Variants in PRR16 observed in about 807,000 individuals in gnomAD.
PRR16 encodes the protein protein Largen.
In PRR16, 6 loss-of-function variants were observed where a neutral mutation model predicts 18.2. That is an observed-to-expected ratio of 0.33 (90% CI 0.18 to 0.65). The LOEUF is 0.65. PRR16 is among the 30% of genes least tolerant of loss of function. The pLI, the probability that PRR16 is intolerant of heterozygous loss-of-function variation, is 0.74. For synonymous variants in PRR16, 151 were observed against 147.8 expected (o/e 1.02, Z -0.16); for missense variants, 412 against 376.6 (o/e 1.09, Z -0.78).
At chr5:120,576,358 C>T (rs186061068) in intron 1 of PRR16, among the ~76,000 whole-genome samples, 78 of 152,132 alleles carry the variant, frequency 5.1e-4, no homozygotes, top group African/African-American at 1.8e-3. Context: ...ACAGCAGTTC[C>T]TGAGTAGATA....
At position 120,686,074 on chromosome 5, in the gene PRR16, A is replaced by G; in HGVS notation, c.280A>G (p.Lys94Glu). ...SSGTTASSLE[K>E]IKVQANAPLI... is the part of the protein sequence containing the mutation. ...TGGCACAACAGCCTCCAGCCTAGAG[A>G]AGATCAAAGTGCAGGCTAATGCACC... The change falls in exon 2 of 2, where the codon AAG becomes GAG. Residue 94 changes from lysine to glutamate, a missense_variant. By Grantham distance (56) the Lys-to-Glu change is moderately conservative (BLOSUM62 1). Coordinates refer to ENST00000407149, the MANE Select transcript of PRR16 (RefSeq NM_001300783.2). 6.2e-7 allele frequency: 1 copy of G among 1,614,102 alleles called. No individual in the cohort carries two copies. The highest frequency in any genetic ancestry group is 8.5e-7 in the Non-Finnish European group (1 of 1,180,018).
chr5:120,549,908 T>G (rs986330864), intron 1 of PRR16, among the ~76,000 whole-genome samples: 4 of 151,986 alleles, frequency 2.6e-5, no homozygotes, highest in Admixed American at 2.0e-4. Flanking sequence ...GTACTAAAAT[T>G]TTATAATTCC....
rs183681408 is a variant in PRR16 at position 120,474,163 on chromosome 5, G to A, written c.159+9518G>A. Among the ~76,000 whole-genome samples the A allele has an allele frequency of 4.6e-4, 70 of 152,272 alleles. 1 individual carries two copies. In the Middle Eastern group the frequency reaches 0.014, roughly 30 times the overall value. On this transcript the variant is annotated intron_variant, in intron 1 of 1. Coordinates refer to ENST00000407149, the MANE Select transcript of PRR16 (RefSeq NM_001300783.2). Reference sequence around the variant, plus strand: ...GTCTAAGGATTTTGATTCTTCCTTAGAGTAAAATGGGACTTCTGAGCAGGG... The same window carrying A: ...GTCTAAGGATTTTGATTCTTCCTTAAAGTAAAATGGGACTTCTGAGCAGGG...
At chr5:120,719,112 A>C in the PRR16 span, among the ~76,000 whole-genome samples, 1 of 152,096 alleles carries the variant, frequency 6.6e-6, no homozygotes, top group African/African-American at 2.4e-5. Flanking sequence ...AGGTATCTTA[A>C]AGATTTTTGT....
chr5:120,505,951 T>C (rs1244907834), intron 1 of PRR16, among the ~76,000 whole-genome samples: 1 of 127,502 alleles, frequency 7.8e-6, no homozygotes, highest in Non-Finnish European at 1.6e-5. Flanking sequence ...TGTGTGTATA[T>C]ATATATATAT....
chr5:120,723,055 G>C, the PRR16 span, among the ~76,000 whole-genome samples: 2 of 151,678 alleles, frequency 1.3e-5, no homozygotes, highest in Admixed American at 1.3e-4. Context: ...TAAAAAATTG[G>C]ATACAATTTA....
At chr5:120,789,021 A>G in the PRR16 span, among the ~76,000 whole-genome samples, 1 of 152,080 alleles carries the variant, frequency 6.6e-6, no homozygotes, top group East Asian at 1.9e-4. Context: ...GTGTGTCTAC[A>G]TGGGAGAAAA....
At chr5:120,716,650 A>G in the PRR16 span, among the ~76,000 whole-genome samples, 3 of 152,134 alleles carry the variant, frequency 2.0e-5, no homozygotes, top group Admixed American at 2.0e-4. Context: ...CTGAGTTGGC[A>G]GATCACCTGA....
chr5:120,752,212 G>A, the PRR16 span, among the ~76,000 whole-genome samples: 5 of 151,858 alleles, frequency 3.3e-5, no homozygotes, highest in African/African-American at 7.3e-5. Context: ...CCTACTCCAG[G>A]GAAATATATT....
chr5:120,737,640 T>C, the PRR16 span, among the ~76,000 whole-genome samples: 1 of 151,594 alleles, frequency 6.6e-6, no homozygotes, highest in Non-Finnish European at 1.5e-5. Flanking sequence ...TTTTTCTTTC[T>C]TTCTTTTTTT....
chr5:120,758,900 T>C, the PRR16 span, among the ~76,000 whole-genome samples: 7 of 152,136 alleles, frequency 4.6e-5, no homozygotes, highest in African/African-American at 1.4e-4. Flanking sequence ...ATATTTCCTT[T>C]TGAACATTCT....
intron 1 of PRR16, among the ~76,000 whole-genome samples, chr5:120,652,505 G>T (rs908919817): frequency 2.1e-4 from 28 of 134,548 alleles, no homozygotes; most frequent in African/African-American, 7.1e-4. Context: ...CATATTTTTA[G>T]TAAGTATTAT....
chr5:120,616,736 AATG>A (rs1343664018), intron 1 of PRR16, among the ~76,000 whole-genome samples: 1 of 152,142 alleles, frequency 6.6e-6, no homozygotes, highest in Non-Finnish European at 1.5e-5. Context: ...AACAATATTG[AATG>A]ATGAGTCAGT....
intron 1 of PRR16, among the ~76,000 whole-genome samples, chr5:120,684,730 A>G (rs982901251): frequency 8.5e-5 from 13 of 152,168 alleles, no homozygotes; most frequent in African/African-American, 2.9e-4. Context: ...CAATGACTGA[A>G]CAGGGCAGAG....
At chr5:120,693,178 A>G in the PRR16 span, among the ~76,000 whole-genome samples, 3 of 152,192 alleles carry the variant, frequency 2.0e-5, no homozygotes, top group Admixed American at 6.5e-5. Flanking sequence ...TCAACTCGAA[A>G]CAAGAAAGCC....
chr5:120,514,868 G>GT (rs1218414501), intron 1 of PRR16, among the ~76,000 whole-genome samples: 1 of 151,724 alleles, frequency 6.6e-6, no homozygotes, highest in Non-Finnish European at 1.5e-5. Context: ...GGCAATTTGG[G>GT]TTTTTTTTCT....
At chr5:120,775,360 G>A in the PRR16 span, among the ~76,000 whole-genome samples, 1 of 151,510 alleles carries the variant, frequency 6.6e-6, no homozygotes, top group Non-Finnish European at 1.5e-5. Context: ...AACAATAATA[G>A]GAAATCTTCC....
chr5:120,612,247 A>C (rs1754359741), intron 1 of PRR16, among the ~76,000 whole-genome samples: 1 of 152,180 alleles, frequency 6.6e-6, no homozygotes, highest in Admixed American at 6.5e-5. Flanking sequence ...GCCTTGTCTC[A>C]GGTGAAACTT....
chr5:120,656,467 CAAAAA>C (rs34228222), intron 1 of PRR16, among the ~76,000 whole-genome samples: 12,539 of 93,390 alleles, frequency 0.13, 664 homozygotes, highest in Middle Eastern at 0.18. Context: ...TAATCACTCT[CAAAAA>C]AAAAAAAAAA....
Sources: gnomAD v4.1 joint callset for allele counts (sites outside exome capture counted in the v4.1 genomes callset) on GRCh38, gnomAD v4.1.1 for gene constraint, MANE v1.5 for transcripts, NCBI Gene and HGNC (gene_info 2026-07-23, HGNC 2026-07-21) for gene names.